VPS26A: variants seen among roughly 807,000 people sequenced by gnomAD.
VPS26A encodes VPS26 retromer complex component A, also known as vacuolar protein sorting-associated protein 26A.
VPS26A carries 22 observed loss-of-function variants against 42.4 expected under a neutral mutation model. That is an observed-to-expected ratio of 0.52 (90% CI 0.37 to 0.74). The LOEUF (loss-of-function observed/expected upper bound fraction) is 0.74, where lower values mean the gene tolerates loss of function less well. Ranked by LOEUF, VPS26A falls within the 30% of genes least tolerant of loss-of-function variation. VPS26A has a pLI of 0.00. For missense variants in VPS26A, 276 were observed against 379.2 expected (o/e 0.73, Z 2.26); for synonymous variants, 110 against 123.5 (o/e 0.89, Z 0.73).
intron 2 of VPS26A, among the ~76,000 whole-genome samples, chr10:69,150,232 T>A (rs181617822): frequency 1.5e-3 from 235 of 152,038 alleles, no homozygotes; most frequent in African/African-American, 5.2e-3. Flanking sequence ...TTTTGTATTT[T>A]TTTGTAGAAA....
intron 2 of VPS26A, among the ~76,000 whole-genome samples, chr10:69,143,637 A>G (rs112452452): frequency 2.9e-4 from 44 of 152,282 alleles, no homozygotes; most frequent in African/African-American, 9.9e-4. Context: ...TAAGCTAAAT[A>G]TGCTATTTCC....
At chr10:69,153,924 A>C (rs1053680046) in intron 2 of VPS26A, among the ~76,000 whole-genome samples, 1 of 152,206 alleles carries the variant, frequency 6.6e-6, no homozygotes, top group East Asian at 1.9e-4. Flanking sequence ...TTCAGTGAAC[A>C]AGTGAATAAA....
intron 2 of VPS26A, among the ~76,000 whole-genome samples, chr10:69,134,869 G>A (rs1428508950): frequency 6.6e-6 from 1 of 151,866 alleles, no homozygotes; most frequent in African/African-American, 2.4e-5. Flanking sequence ...GAGGAGGGAG[G>A]ATCACTTGAG....
In VPS26A at chr10:69,157,172, G is replaced by A; in HGVS notation, c.386+9G>A. The stretch of plus-strand genomic sequence containing the variant: ...GCCAATGTCCGCTTGAGGTATGAAT[G>A]TGTATTATAAACTGTAAACAGAATC... On this transcript the variant is annotated intron_variant, in intron 4 of 8. Transcript: ENST00000263559. The A allele has an allele frequency of 6.2e-7, 1 of 1,608,962 alleles. No individual in the cohort carries two copies. The highest frequency in any genetic ancestry group is 1.1e-5 in the South Asian group (1 of 90,404).
intron 2 of VPS26A, among the ~76,000 whole-genome samples, chr10:69,137,314 A>T (rs1451056422): frequency 3.3e-5 from 5 of 152,218 alleles, no homozygotes; most frequent in African/African-American, 1.2e-4. Flanking sequence ...GTGATTTAGA[A>T]GTCCAGGTGG....
chr10:69,142,035 C>T (rs1841052922), intron 2 of VPS26A, among the ~76,000 whole-genome samples: 1 of 151,886 alleles, frequency 6.6e-6, no homozygotes, highest in Non-Finnish European at 1.5e-5. Flanking sequence ...AGGCGCATGC[C>T]ACCACGCCCG....
chr10:69,167,276 C>G (rs1186457411), intron 7 of VPS26A, among the ~76,000 whole-genome samples: 1 of 150,572 alleles, frequency 6.6e-6, no homozygotes, highest in African/African-American at 2.4e-5. Flanking sequence ...ATAAAAAATA[C>G]AAAAATTAGC....
intron 2 of VPS26A, among the ~76,000 whole-genome samples, chr10:69,144,902 A>G (rs1841121056): frequency 6.6e-6 from 1 of 152,008 alleles, no homozygotes; most frequent in Non-Finnish European, 1.5e-5. Context: ...CTTAATTTTA[A>G]TACACTAGAT....
intron 2 of VPS26A, among the ~76,000 whole-genome samples, chr10:69,146,062 T>C (rs1841153640): frequency 3.3e-5 from 5 of 152,176 alleles, no homozygotes; most frequent in Admixed American, 3.3e-4. Context: ...GTACCCATAC[T>C]TCATTCCTTT....
intron 3 of VPS26A, among the ~76,000 whole-genome samples, 198 bp from the exon 4 acceptor site, chr10:69,156,809 T>C (rs1289500852): frequency 1.3e-5 from 2 of 152,218 alleles, no homozygotes; most frequent in African/African-American, 4.8e-5. Context: ...TTCATTGTGC[T>C]ATGCCACTTG....
intron 1 of VPS26A, among the ~76,000 whole-genome samples, chr10:69,127,494 A>G (rs998406946): frequency 3.3e-5 from 5 of 150,836 alleles, no homozygotes; most frequent in African/African-American, 1.2e-4. Context: ...CGGAGCTTGC[A>G]GTGAGCCGAG....
chr10:69,167,300 A>C (rs748325210), intron 7 of VPS26A, among the ~76,000 whole-genome samples: 3 of 151,844 alleles, frequency 2.0e-5, no homozygotes, highest in Non-Finnish European at 4.4e-5. Flanking sequence ...GCATGGTGGC[A>C]TGCACCTATG....
At chr10:69,153,992 C>T (rs1385884712) in intron 2 of VPS26A, among the ~76,000 whole-genome samples, 1 of 152,146 alleles carries the variant, frequency 6.6e-6, no homozygotes, top group Non-Finnish European at 1.5e-5. Context: ...GGATTGTAAA[C>T]ACATGCAGAG....
At chr10:69,138,729 TAGA>T (rs1247047466) in intron 2 of VPS26A, among the ~76,000 whole-genome samples, 1 of 152,188 alleles carries the variant, frequency 6.6e-6, no homozygotes, top group East Asian at 1.9e-4. Flanking sequence ...ATTTGAAAAT[TAGA>T]AGTTTTTACT....
intron 2 of VPS26A, among the ~76,000 whole-genome samples, chr10:69,150,870 G>A (rs78791742): frequency 6.6e-6 from 1 of 152,130 alleles, no homozygotes; most frequent in Non-Finnish European, 1.5e-5. Flanking sequence ...CTGAATCTGG[G>A]TAAAGGTTAT....
intron 2 of VPS26A, among the ~76,000 whole-genome samples, chr10:69,137,342 T>C (rs1368039183): frequency 6.6e-6 from 1 of 152,226 alleles, no homozygotes; most frequent in South Asian, 2.1e-4. Flanking sequence ...CTGGGTCCTA[T>C]GCTCAGGGAC....
In VPS26A at chr10:69,171,251, C is replaced by T. The variant is rs768581501; in HGVS notation, c.966C>T (p.Ala322=). The T allele has an allele frequency of 1.9e-5, 31 of 1,613,048 alleles. No individual in the cohort carries two copies. The highest frequency in any genetic ancestry group is 2.7e-5 in the African/African-American group (2 of 74,794). ...AATCTCCAGAATCACAGGCATCTGC[C>T]GAACAGCCTGAAATGTGAACTGAAC... The part of the protein sequence containing the change: ...RFESPESQAS[A]EQPEM Residue 322 remains alanine (A), a synonymous_variant, in exon 9 of 9, where the codon GCC becomes GCT. Coordinates refer to ENST00000263559, the MANE Select transcript of VPS26A (RefSeq NM_004896.5).
chr10:69,174,035 G>A lies in VPS26A; in HGVS notation c.*2766G>A, dbSNP rs1023081138. Among the ~76,000 whole-genome samples, 1 of 152,164 alleles carries A rather than the reference G, an allele frequency of 6.6e-6. No homozygotes were observed. The highest frequency in any genetic ancestry group is 2.4e-5 in the African/African-American group (1 of 41,450). Reference sequence around the variant, plus strand: ...ATGGACCAATCAGCAGGACGTGGGCGGGGACAAATAAGAGAATAAAAGCTG... The same window carrying A: ...ATGGACCAATCAGCAGGACGTGGGCAGGGACAAATAAGAGAATAAAAGCTG... On this transcript the variant is annotated 3_prime_UTR_variant, in exon 9 of 9. Transcript: ENST00000263559.
At chr10:69,130,719 C>T (rs1564672356) in intron 1 of VPS26A, among the ~76,000 whole-genome samples, 1 of 152,160 alleles carries the variant, frequency 6.6e-6, no homozygotes, top group African/African-American at 2.4e-5. Context: ...CACTGCCTGA[C>T]CTGTAACACC....
Sources: allele counts gnomAD v4.1 joint callset (sites outside exome capture counted in the v4.1 genomes callset), GRCh38; gene constraint gnomAD v4.1.1; transcripts MANE v1.5; gene names NCBI Gene and HGNC (gene_info 2026-07-23, HGNC 2026-07-21).